The following TMPRSS11F variants were observed in gnomAD, a reference collection of about 807,000 sequenced individuals.
TMPRSS11F encodes the protein transmembrane protease serine 11F.
In TMPRSS11F, 47 loss-of-function variants were observed where a neutral mutation model predicts 60.2. The ratio of observed to expected loss-of-function variants is 0.78; its 90% CI spans 0.62 to 1.00. The LOEUF (loss-of-function observed/expected upper bound fraction) is 1.00. Ranked by LOEUF, TMPRSS11F falls within the 50% of genes least tolerant of loss-of-function variation. The pLI, the probability that TMPRSS11F is intolerant of heterozygous loss-of-function variation, is 0.00. For missense variants in TMPRSS11F, 519 were observed against 522.9 expected (o/e 0.99, Z 0.07); for synonymous variants, 166 against 167.3 (o/e 0.99, Z 0.06).
At chr4:68,117,044 C>A (rs189704062) in intron 1 of TMPRSS11F, among the ~76,000 whole-genome samples, 1 of 152,192 alleles carries the variant, frequency 6.6e-6, no homozygotes, top group Admixed American at 6.5e-5. Flanking sequence ...AATCAATTAA[C>A]AAATTAAAAG....
At chr4:68,056,855 A>T (rs10018217) in intron 9 of TMPRSS11F, among the ~76,000 whole-genome samples, 54,048 of 151,874 alleles carry the variant, frequency 0.36, 11,920 homozygotes, top group Non-Finnish European at 0.5. Context: ...AACTAATGGA[A>T]TAGAATAGAA....
chr4:68,118,894 T>C (rs1470109656), intron 1 of TMPRSS11F, among the ~76,000 whole-genome samples: 1 of 152,166 alleles, frequency 6.6e-6, no homozygotes, highest in Non-Finnish European at 1.5e-5. Context: ...ATGAGTTGCA[T>C]GTCTCACATT....
At chr4:68,062,965 C>G (rs574589098) in intron 8 of TMPRSS11F, 35 of 734,098 alleles carry the variant, frequency 4.8e-5, no homozygotes, top group Admixed American at 1.1e-4. Flanking sequence ...CTGGAACTGA[C>G]CCGTCTTCGA....
intron 3 of TMPRSS11F, among the ~76,000 whole-genome samples, chr4:68,083,405 C>A (rs1263557633): frequency 6.6e-6 from 1 of 152,176 alleles, no homozygotes; most frequent in African/African-American, 2.4e-5. Flanking sequence ...GTTGCAAACA[C>A]ACTGAAATAC....
intron 3 of TMPRSS11F, among the ~76,000 whole-genome samples, chr4:68,075,483 G>GTC (rs973729259): frequency 1.3e-5 from 2 of 151,374 alleles, no homozygotes; most frequent in Non-Finnish European, 1.5e-5. Flanking sequence ...TACCTTCAAA[G>GTC]TCTCTCTCTC....
intron 3 of TMPRSS11F, 114 bp from the exon 4 acceptor site, chr4:68,074,123 G>C: frequency 1.7e-6 from 1 of 572,994 alleles, no homozygotes; most frequent in Non-Finnish European, 2.9e-6. Flanking sequence ...CTTATCTAGA[G>C]ACTTGGGCAA....
Position 68,073,963 on chromosome 4 carries a change from T to A in TMPRSS11F, c.329A>T (p.Lys110Ile). 1 of 1,583,532 alleles carries A rather than the reference T, an allele frequency of 6.3e-7. No individual in the cohort carries two copies. Residue 110 changes from lysine (K) to isoleucine (I), a missense_variant, in exon 4 of 10, where the codon AAA becomes ATA. Lys to Ile is a moderately radical substitution (Grantham distance 102). Transcript: ENST00000356291. Reference sequence around the variant, plus strand: ...ATACCTTAATTTGATAACATGAGATTTGATAAATCGACCGCCTACAGAAGA... The same window carrying A: ...ATACCTTAATTTGATAACATGAGATATGATAAATCGACCGCCTACAGAAGA... ...RHSSVGGRFI[K>I]SHVIKLSPDE...
chr4:68,091,177 A>G (rs1240925152), intron 2 of TMPRSS11F, among the ~76,000 whole-genome samples: 1 of 152,110 alleles, frequency 6.6e-6, no homozygotes, highest in Non-Finnish European at 1.5e-5. Flanking sequence ...TTCAAGGACA[A>G]CCATTGTAAT....
chr4:68,103,734 T>C (rs1424296075), intron 1 of TMPRSS11F, among the ~76,000 whole-genome samples: 1 of 152,170 alleles, frequency 6.6e-6, no homozygotes, highest in African/African-American at 2.4e-5. Context: ...GTTAGATCTA[T>C]ATATTTCTTT....
chr4:68,072,226 A>ATATATATATATGTATATATATATAT lies in TMPRSS11F; in HGVS notation c.514+96_514+97insATATATATATATACATATATATATA. ...ATATATATATATATATCTTCCAAAA[A>ATATATATATATGTATATATATATAT]AAAAATATATATATATATATATATT... is the stretch of plus-strand genomic sequence containing the variant. On this transcript the variant is annotated intron_variant, in intron 5 of 9. Transcript: ENST00000356291. 2 of 79,252 alleles carry ATATATATATATGTATATATATATAT rather than the reference A, an allele frequency of 2.5e-5. 1 individual carries two copies. Among genetic ancestry groups the ATATATATATATGTATATATATATAT allele is most frequent in the Admixed American group, 3.1e-4 (2 of 6,352 alleles). The allele number at this position is 79,252 out of a possible 1,614,324, so 4.9% of individuals were successfully genotyped here. A position where few individuals can be genotyped will look rare whatever the true frequency, so the allele number is the denominator to read the frequency against.
chr4:68,090,783 A>G, intron 2 of TMPRSS11F, 142 bp from the exon 3 acceptor site: 1 of 1,354,576 alleles, frequency 7.4e-7, no homozygotes, highest in Non-Finnish European at 9.7e-7. Flanking sequence ...GACACTTCTC[A>G]AATACTCTGT....
intron 3 of TMPRSS11F, among the ~76,000 whole-genome samples, chr4:68,076,944 GCA>G (rs1461630205): frequency 6.6e-6 from 1 of 152,098 alleles, no homozygotes; most frequent in Non-Finnish European, 1.5e-5. Context: ...ACACACACTG[GCA>G]CACAGGAGAA....
chr4:68,108,086 G>A (rs1185252911), intron 1 of TMPRSS11F, among the ~76,000 whole-genome samples: 1 of 152,198 alleles, frequency 6.6e-6, no homozygotes, highest in East Asian at 1.9e-4. Context: ...GGGGACCCTT[G>A]CAATAGTTCA....
intron 1 of TMPRSS11F, among the ~76,000 whole-genome samples, chr4:68,112,901 T>C (rs1481653160): frequency 1.3e-5 from 2 of 152,152 alleles, no homozygotes; most frequent in African/African-American, 2.4e-5. Context: ...TTCCTAAATA[T>C]GTGATTAAAA....
chr4:68,054,199 T>G, intron 9 of TMPRSS11F, 132 bp from the exon 10 acceptor site: 1 of 690,874 alleles, frequency 1.4e-6, no homozygotes. Context: ...ATATAATGGG[T>G]CTCTCAACTG....
chr4:68,059,522 G>C, intron 8 of TMPRSS11F, 54 bp from the exon 9 acceptor site: 1 of 1,546,700 alleles, frequency 6.5e-7, no homozygotes, highest in East Asian at 2.3e-5. Flanking sequence ...AAATACAATT[G>C]TATCTAAGAC....
At chr4:68,059,642 G>A (rs190689099) in intron 8 of TMPRSS11F, among the ~76,000 whole-genome samples, 174 bp from the exon 9 acceptor site, 20 of 152,212 alleles carry the variant, frequency 1.3e-4, no homozygotes, top group South Asian at 4.1e-4. Context: ...AAACATACAT[G>A]TTCCAGTATT....
intron 3 of TMPRSS11F, among the ~76,000 whole-genome samples, chr4:68,074,417 T>C (rs554337159): frequency 6.6e-6 from 1 of 152,366 alleles, no homozygotes; most frequent in South Asian, 2.1e-4. Context: ...TAAAAGTACA[T>C]GCTATTTTTT....
At chr4:68,106,023 T>A (rs7657474) in intron 1 of TMPRSS11F, among the ~76,000 whole-genome samples, 5,431 of 152,306 alleles carry the variant, frequency 0.036, 272 homozygotes, top group African/African-American at 0.11. Flanking sequence ...TTAATAATTC[T>A]ATGTGGACAC....
Sources: gnomAD v4.1 joint callset for allele counts (sites outside exome capture counted in the v4.1 genomes callset) on GRCh38, gnomAD v4.1.1 for gene constraint, MANE v1.5 for transcripts, NCBI Gene and HGNC (gene_info 2026-07-23, HGNC 2026-07-21) for gene names.